FAM168B: variants seen among roughly 807,000 people sequenced by gnomAD.
The protein encoded by FAM168B is family with sequence similarity 168 member B, also known as myelin-associated neurite-outgrowth inhibitor.
FAM168B carries 19 observed loss-of-function variants against 21.8 expected under a neutral mutation model. That is an observed-to-expected ratio of 0.87 (90% CI 0.61 to 1.28). FAM168B has a LOEUF of 1.28. Among genes scored for constraint, FAM168B ranks in the 50% most tolerant of loss-of-function variants. FAM168B has a pLI of 0.00. For synonymous variants in FAM168B, 126 were observed against 104.8 expected (o/e 1.20, Z -1.24); for missense variants, 233 against 263.1 (o/e 0.89, Z 0.79).
rs148566888 is a variant in FAM168B, at chr2:131,055,253, C to G, written c.475+19G>C. The G allele has an allele frequency of 1.5e-4, 230 of 1,527,346 alleles. 1 individual carries two copies. The African/African-American group carries it at 2.7e-3, about 18-fold the overall frequency. 94.6% of individuals were successfully genotyped at this position (1,527,346 alleles called of 1,614,324 possible). On this transcript the variant is annotated intron_variant, in intron 5 of 6. Transcript: ENST00000389915. ...CTAGGGTACACCATAGGACAGACAC[C>G]GCAGGAACGAGGACTTACCTGCTGA...
At chr2:131,064,765 C>T (rs1342889059) in intron 3 of FAM168B, among the ~76,000 whole-genome samples, 1 of 151,994 alleles carries the variant, frequency 6.6e-6, no homozygotes, top group Non-Finnish European at 1.5e-5. Flanking sequence ...GAACAGTGAC[C>T]CCCCCAGGGT....
At chr2:131,063,730 G>T (rs1692419334) in intron 3 of FAM168B, among the ~76,000 whole-genome samples, 1 of 152,188 alleles carries the variant, frequency 6.6e-6, no homozygotes, top group African/African-American at 2.4e-5. Flanking sequence ...AGTGAGCTAT[G>T]ATTGTGCAAC....
intron 3 of FAM168B, among the ~76,000 whole-genome samples, chr2:131,068,526 G>A (rs1004652667): frequency 6.6e-6 from 1 of 152,158 alleles, no homozygotes; most frequent in Non-Finnish European, 1.5e-5. Context: ...TGGCACTGGT[G>A]AGCCAGCAGT....
In FAM168B at chr2:131,052,921, A is replaced by G. The variant is rs751308108; in HGVS notation, c.570T>C (p.Tyr190=). 46 of 1,560,820 alleles carry G rather than the reference A, an allele frequency of 2.9e-5. No homozygotes were observed. Among genetic ancestry groups the G allele is most frequent in the Non-Finnish European group, 3.9e-5 (45 of 1,151,702 alleles). ...CAGGTGATCACCACTGAGGGGGCAC[A>G]TAGCTGTAAGTGGGCGTTCCTGGGG... ...YRAPGTPTYS[Y]VPPQW is the part of the protein sequence containing the mutation. Residue 190 remains tyrosine, a synonymous_variant, in exon 6 of 7, where the codon TAT becomes TAC. Coordinates refer to ENST00000389915, the MANE Select transcript of FAM168B (RefSeq NM_001009993.4).
chr2:131,065,901 C>T (rs1692533231), intron 3 of FAM168B, among the ~76,000 whole-genome samples: 1 of 151,682 alleles, frequency 6.6e-6, no homozygotes, highest in African/African-American at 2.4e-5. Context: ...CAGATAAACA[C>T]TGTGTGATAA....
At chr2:131,073,079 T>C (rs1361434565) in intron 2 of FAM168B, among the ~76,000 whole-genome samples, 3 of 152,216 alleles carry the variant, frequency 2.0e-5, no homozygotes, top group Non-Finnish European at 1.5e-5. Context: ...CATTTCAGGT[T>C]TTTTCACATT....
At chr2:131,087,063 C>CAAAAAAA (rs70994735) in intron 1 of FAM168B, among the ~76,000 whole-genome samples, 2 of 40,668 alleles carry the variant, frequency 4.9e-5, no homozygotes, top group African/African-American at 2.7e-4. Context: ...GACTCCGTCT[C>CAAAAAAA]AAAAAAAAAA....
chr2:131,065,188 C>T (rs1054371649), intron 3 of FAM168B, among the ~76,000 whole-genome samples: 1 of 152,070 alleles, frequency 6.6e-6, no homozygotes, highest in Non-Finnish European at 1.5e-5. Flanking sequence ...TGTGGAAGCA[C>T]GGAAGGCACG....
chr2:131,048,079 G>T lies in FAM168B; in HGVS notation c.*4386C>A. On this transcript the variant is annotated 3_prime_UTR_variant, in exon 7 of 7. Coordinates refer to ENST00000389915, the MANE Select transcript of FAM168B (RefSeq NM_001009993.4). ...GGCATGGATACGTAAGTTCAATGCAGAGGTGAGGGATGCCTTTAACACTGG... is the reference window on the plus strand; with the variant it reads ...GGCATGGATACGTAAGTTCAATGCATAGGTGAGGGATGCCTTTAACACTGG... 1.3e-6 allele frequency: 1 copy of T among 777,540 alleles called. No homozygotes were observed. Among genetic ancestry groups the T allele is most frequent in the Non-Finnish European group, 1.8e-6 (1 of 571,426 alleles). 48.2% of individuals were successfully genotyped at this position (777,540 alleles called of 1,614,324 possible).
chr2:131,062,943 AGTTATT>A (rs1692377227), intron 3 of FAM168B, among the ~76,000 whole-genome samples: 1 of 152,254 alleles, frequency 6.6e-6, no homozygotes, highest in Non-Finnish European at 1.5e-5. Flanking sequence ...TGCATGCTCA[AGTTATT>A]GAGGTAAGAT....
Position 131,068,906 on chromosome 2 carries a change from C to T in FAM168B, c.154+2949G>A, listed in dbSNP as rs570717204. 6.6e-5 allele frequency among the ~76,000 whole-genome samples: 10 copies of T among 152,318 alleles called. No homozygotes were observed. In the South Asian group the frequency reaches 1.9e-3, roughly 28 times the overall value. On this transcript the variant is annotated intron_variant, in intron 3 of 6. Coordinates refer to ENST00000389915, the MANE Select transcript of FAM168B (RefSeq NM_001009993.4). ...TGGTGTGCACCTGTAATCCCAGCTA[C>T]TCGGGAGGCTGAGGTGGGAGCATTG...
At chr2:131,090,320 A>T (rs1425467220) in intron 1 of FAM168B, among the ~76,000 whole-genome samples, 1 of 79,852 alleles carries the variant, frequency 1.3e-5, no homozygotes. Context: ...CTCTTGTCTC[A>T]AAAAAAAAAA....
chr2:131,060,415 C>T (rs1279860876), intron 3 of FAM168B, among the ~76,000 whole-genome samples: 3 of 152,170 alleles, frequency 2.0e-5, no homozygotes, highest in Non-Finnish European at 1.5e-5. Context: ...ATATCTGAAA[C>T]GTTTCCTAAT....
chr2:131,091,827 T>C (rs1373922163), intron 1 of FAM168B, among the ~76,000 whole-genome samples: 1 of 151,612 alleles, frequency 6.6e-6, no homozygotes. Context: ...GCTGGTGTAC[T>C]GTTCTTTTAA....
chr2:131,084,008 T>C (rs1449049649), intron 1 of FAM168B, among the ~76,000 whole-genome samples: 1 of 150,784 alleles, frequency 6.6e-6, no homozygotes, highest in African/African-American at 2.4e-5. Flanking sequence ...GTTTAAGTGA[T>C]TCTCCTGCCT....
chr2:131,076,509 C>CGGGT (rs1460273273), intron 2 of FAM168B, among the ~76,000 whole-genome samples: 1 of 151,928 alleles, frequency 6.6e-6, no homozygotes, highest in Non-Finnish European at 1.5e-5. Context: ...AAAAATTAGC[C>CGGGT]GGGTGCAGTG....
intron 1 of FAM168B, among the ~76,000 whole-genome samples, chr2:131,092,861 T>C (rs1017311121): frequency 1.3e-5 from 2 of 152,150 alleles, no homozygotes; most frequent in Admixed American, 1.3e-4. Flanking sequence ...AGTGAGCAGT[T>C]ACACATTGGA....
rs551700167 is a variant in FAM168B at position 131,051,340 on chromosome 2, T to C, written c.*1125A>G. 7 of 985,392 alleles carry C rather than the reference T, an allele frequency of 7.1e-6. 1 individual carries two copies. In the African/African-American group the frequency reaches 1.0e-4, roughly 15 times the overall value. 61.0% of individuals were successfully genotyped at this position (985,392 alleles called of 1,614,324 possible). A position where few individuals can be genotyped will look rare whatever the true frequency, so the allele number is the denominator to read the frequency against. On this transcript the variant is annotated 3_prime_UTR_variant, in exon 7 of 7. Transcript: ENST00000389915. ...GCCTTTCTACAAGAAATTGGAGGAA[T>C]TTTAAATAAAGTTTTGTTCCCTTTT...
At chr2:131,080,737 T>G (rs1693391265) in intron 2 of FAM168B, among the ~76,000 whole-genome samples, 1 of 150,138 alleles carries the variant, frequency 6.7e-6, no homozygotes, top group African/African-American at 2.4e-5. Flanking sequence ...TGGCACGATC[T>G]CAGCTCACTG....
Sources: gnomAD v4.1 joint callset for allele counts (sites outside exome capture counted in the v4.1 genomes callset) on GRCh38, gnomAD v4.1.1 for gene constraint, MANE v1.5 for transcripts, NCBI Gene and HGNC (gene_info 2026-07-23, HGNC 2026-07-21) for gene names.